PALS1: variants seen among roughly 807,000 people sequenced by gnomAD.
The protein encoded by PALS1 is protein associated with LIN7 1, MAGUK p55 family member, also known as protein PALS1.
A neutral mutation model predicts 78.9 loss-of-function variants in PALS1; 31 were observed. The observed-to-expected ratio is 0.39, with a 90% CI of 0.30 to 0.53. The LOEUF (loss-of-function observed/expected upper bound fraction) is 0.53, where lower values mean the gene tolerates loss of function less well. PALS1 is among the 20% of genes least tolerant of loss of function. PALS1 has a pLI of 0.67. For missense variants in PALS1, 704 were observed against 826.5 expected (o/e 0.85, Z 1.82); for synonymous variants, 276 against 270.9 (o/e 1.02, Z -0.18).
chr14:67,274,528 TGTA>T (rs2084465904), intron 2 of PALS1, among the ~76,000 whole-genome samples: 1 of 152,182 alleles, frequency 6.6e-6, no homozygotes, highest in Non-Finnish European at 1.5e-5. Context: ...ACTGTAACCT[TGTA>T]GTATAGTTTG....
intron 2 of PALS1, among the ~76,000 whole-genome samples, chr14:67,277,745 T>A (rs2084529164): frequency 6.6e-6 from 1 of 152,302 alleles, no homozygotes; most frequent in African/African-American, 2.4e-5. Flanking sequence ...GAAAGATTTT[T>A]AAAATAGAAT....
At chr14:67,302,345 AAAAT>A (rs1194037460) in intron 6 of PALS1, 61 bp from the exon 7 acceptor site, 3 of 1,244,448 alleles carry the variant, frequency 2.4e-6, no homozygotes, top group Non-Finnish European at 3.2e-6. Flanking sequence ...ATAGAATTTA[AAAAT>A]AAATGCTTAA....
In PALS1 at chr14:67,335,954, GTTCTTTACAGAGGGATAGTGCCCCC is replaced by G. The variant is rs551083573; in HGVS notation, c.*3000_*3024del. ...TACAACACAAAATACTTTTTGATTT[GTTCTTTACAGAGGGATAGTGCCCCC>G]TGTTGGCACAGGTATAGGTAGGTCC... On this transcript the variant is annotated 3_prime_UTR_variant, in exon 15 of 15. Coordinates refer to ENST00000261681, the MANE Select transcript of PALS1 (RefSeq NM_022474.4). 0.03 allele frequency: 4,580 copies of G among 152,242 alleles called. 86 individuals carry two copies. Among genetic ancestry groups the G allele is most frequent in the Non-Finnish European group, 0.036 (2,420 of 67,986 alleles). The allele number at this position is 152,242 out of a possible 1,614,324, so 9.4% of individuals were successfully genotyped here.
In PALS1 at chr14:67,328,979, A is replaced by G. The variant is rs367932293; in HGVS notation, c.1852-3801A>G. Among the ~76,000 whole-genome samples the G allele has an allele frequency of 1.5e-3, 230 of 152,270 alleles. 5 individuals carry two copies. In the East Asian group the frequency reaches 0.038, roughly 25 times the overall value. On this transcript the variant is annotated intron_variant, in intron 14 of 14. Transcript: ENST00000261681. The stretch of plus-strand genomic sequence containing the variant: ...AATGCAGGCTCTTTTTTGGTTCCAT[A>G]TGAACTTTAAAGTAGTTTTTTCCAA...
Position 67,312,512 on chromosome 14 carries a change from C to A in PALS1, c.1042-15C>A. 1.3e-6 allele frequency: 2 copies of A among 1,499,892 alleles called. No individual in the cohort carries two copies. Among genetic ancestry groups the A allele is most frequent in the Non-Finnish European group, 1.8e-6 (2 of 1,117,938 alleles). 92.9% of individuals were successfully genotyped at this position (1,499,892 alleles called of 1,614,324 possible). A position where few individuals can be genotyped will look rare whatever the true frequency, so the allele number is the denominator to read the frequency against. On this transcript the variant is annotated splice_polypyrimidine_tract_variant and intron_variant, in intron 8 of 14. Transcript: ENST00000261681. ...ATTGCCATTTATTGTTGTTTTTGCC[C>A]TTTTTATCTTTTAGATCCATGTAAA...
Position 67,316,790 on chromosome 14 carries a change from T to C in PALS1, c.1226-42T>C, listed in dbSNP as rs753402713. The C allele has an allele frequency of 1.8e-5, 28 of 1,531,912 alleles. 1 individual carries two copies. In the South Asian group the frequency reaches 2.4e-4, roughly 13 times the overall value. The allele number at this position is 1,531,912 out of a possible 1,614,324, so 94.9% of individuals were successfully genotyped here. ...ATTAAAAAAAAAATTCTTATCCTTT[T>C]ATCTTAAATATTTTACCCTTCTTTT... On this transcript the variant is annotated intron_variant, in intron 9 of 14. Coordinates refer to ENST00000261681, the MANE Select transcript of PALS1 (RefSeq NM_022474.4).
chr14:67,321,347 C>T (rs1384135732), intron 13 of PALS1, 88 bp downstream of exon 13: 5 of 1,213,430 alleles, frequency 4.1e-6, no homozygotes, highest in Non-Finnish European at 6.0e-6. Context: ...GGTCCAAGAA[C>T]AGCGCGACCT....
chr14:67,263,976 T>C (rs974625121), intron 1 of PALS1, among the ~76,000 whole-genome samples: 2 of 152,188 alleles, frequency 1.3e-5, no homozygotes, highest in Non-Finnish European at 2.9e-5. Context: ...AGCCCCACTA[T>C]AGCCGTGAAC....
At chr14:67,279,590 C>A (rs772835513) in intron 3 of PALS1, 53 bp downstream of exon 3, 2 of 1,454,424 alleles carry the variant, frequency 1.4e-6, no homozygotes, top group Admixed American at 2.4e-5. Flanking sequence ...TTTATCTGTG[C>A]CTTATAATGT....
Position 67,320,225 on chromosome 14 carries a change from C to A in PALS1, c.1370-5C>A. 6.3e-7 allele frequency: 1 copy of A among 1,594,574 alleles called. No homozygotes were observed. Among genetic ancestry groups the A allele is most frequent in the Non-Finnish European group, 8.5e-7 (1 of 1,173,502 alleles). Reference sequence around the variant, plus strand: ...TTTGAAGAGCTTAACTTTTTTTTCCCAAAGATTATGACAACGAGGAGATCT... The same window carrying A: ...TTTGAAGAGCTTAACTTTTTTTTCCAAAAGATTATGACAACGAGGAGATCT... On this transcript the variant is annotated splice_polypyrimidine_tract_variant and splice_region_variant and intron_variant, in intron 11 of 14. Transcript: ENST00000261681.
intron 3 of PALS1, among the ~76,000 whole-genome samples, chr14:67,285,494 G>A (rs972146527): frequency 1.3e-5 from 2 of 151,556 alleles, no homozygotes; most frequent in African/African-American, 2.4e-5. Flanking sequence ...AGCCTCCCGA[G>A]TAGCTGAGAC....
At position 67,275,195 on chromosome 14, in the gene PALS1, G is replaced by A. The variant is rs2084482189; in HGVS notation, c.-153-3823G>A. Reference sequence around the variant, plus strand: ...GTGAGAGAGGGCATTCCTGTCTTGTGGCAGTTTTGAAAGAGAATGCTTCCA... The same window carrying A: ...GTGAGAGAGGGCATTCCTGTCTTGTAGCAGTTTTGAAAGAGAATGCTTCCA... On this transcript the variant is annotated intron_variant, in intron 2 of 14. Transcript: ENST00000261681. Among the ~76,000 whole-genome samples, 4 of 152,274 alleles carry A rather than the reference G, an allele frequency of 2.6e-5. No individual in the cohort carries two copies. In the South Asian group the frequency reaches 8.3e-4, roughly 32 times the overall value.
intron 3 of PALS1, among the ~76,000 whole-genome samples, chr14:67,286,927 AC>A (rs2084699341): frequency 6.7e-6 from 1 of 150,340 alleles, no homozygotes; most frequent in Admixed American, 6.7e-5. Flanking sequence ...TTAAAAATGT[AC>A]CCTTTATGGC....
intron 1 of PALS1, among the ~76,000 whole-genome samples, chr14:67,267,409 C>T (rs1381089650): frequency 1.3e-5 from 2 of 152,020 alleles, no homozygotes; most frequent in African/African-American, 4.8e-5. Context: ...CAGGCATGCA[C>T]CACCACACCT....
chr14:67,320,997 T>TTATC, intron 12 of PALS1, 60 bp from the exon 13 acceptor site: 1 of 1,407,872 alleles, frequency 7.1e-7, no homozygotes, highest in Non-Finnish European at 1.0e-6. Flanking sequence ...ACTAGCAGAA[T>TTATC]TATCCCCTGT....
At chr14:67,245,662 T>C (rs1054350791) in intron 1 of PALS1, among the ~76,000 whole-genome samples, 2 of 152,138 alleles carry the variant, frequency 1.3e-5, no homozygotes, top group Admixed American at 1.3e-4. Context: ...TTTTATATAG[T>C]CCTTTATCTT....
intron 2 of PALS1, among the ~76,000 whole-genome samples, chr14:67,276,549 A>C (rs1328433964): frequency 6.6e-6 from 1 of 152,170 alleles, no homozygotes; most frequent in Non-Finnish European, 1.5e-5. Flanking sequence ...GACATTTCTT[A>C]TGATATGTAT....
chr14:67,296,147 A>G (rs969312116), intron 4 of PALS1, among the ~76,000 whole-genome samples: 57 of 152,046 alleles, frequency 3.7e-4, no homozygotes, highest in African/African-American at 1.3e-3. Context: ...ATAGAAGGAA[A>G]TTTAATTTGC....
At chr14:67,253,055 ACT>A (rs1253460399) in intron 1 of PALS1, among the ~76,000 whole-genome samples, 1 of 152,342 alleles carries the variant, frequency 6.6e-6, no homozygotes, top group Admixed American at 6.5e-5. Context: ...CAGTTACAGT[ACT>A]ATCACTGACT....
Sources: gnomAD v4.1 joint callset for allele counts (sites outside exome capture counted in the v4.1 genomes callset) on GRCh38, gnomAD v4.1.1 for gene constraint, MANE v1.5 for transcripts, NCBI Gene and HGNC (gene_info 2026-07-23, HGNC 2026-07-21) for gene names.